Variants in LRP1B observed in about 807,000 individuals in gnomAD.
LRP1B encodes the protein low-density lipoprotein receptor-related protein 1B.
In LRP1B, 217 loss-of-function variants were observed where a neutral mutation model predicts 556.6. The ratio of observed to expected loss-of-function variants is 0.39; its 90% CI spans 0.35 to 0.44. The LOEUF (loss-of-function observed/expected upper bound fraction) is 0.44, where lower values mean the gene tolerates loss of function less well. Among genes scored for constraint, LRP1B ranks in the 20% least tolerant of loss-of-function variants. The probability of loss-of-function intolerance (pLI) is 1.00; values close to 1 mark genes in which losing one functional copy is unlikely to be tolerated. For missense variants in LRP1B, 5,053 were observed against 5,620.8 expected (o/e 0.90, Z 3.23); for synonymous variants, 2,047 against 1,865.8 (o/e 1.10, Z -2.50).
At chr2:141,332,743 G>C (rs1687703882) in intron 3 of LRP1B, among the ~76,000 whole-genome samples, 1 of 147,696 alleles carries the variant, frequency 6.8e-6, no homozygotes. Context: ...TATATATAAA[G>C]GAAACTGTTA....
chr2:140,342,837 TAAAAG>T (rs778838401), intron 77 of LRP1B, among the ~76,000 whole-genome samples: 5 of 151,606 alleles, frequency 3.3e-5, no homozygotes, highest in Admixed American at 1.3e-4. Flanking sequence ...GTAAAAGTAT[TAAAAG>T]AAAGAATAGA....
intron 18 of LRP1B, among the ~76,000 whole-genome samples, chr2:140,968,503 G>GTT (rs34542410): frequency 0.36 from 35,417 of 97,432 alleles, 4,639 homozygotes; most frequent in East Asian, 0.39. Flanking sequence ...ATTTTTTGCA[G>GTT]TTTTTTTTTT....
intron 87 of LRP1B, among the ~76,000 whole-genome samples, chr2:140,244,408 T>C (rs1681072853): frequency 6.6e-6 from 1 of 151,364 alleles, no homozygotes; most frequent in African/African-American, 2.4e-5. Context: ...TATTTTTGTC[T>C]TTCATAATTT....
intron 2 of LRP1B, among the ~76,000 whole-genome samples, chr2:141,638,429 T>C (rs1689181705): frequency 6.6e-6 from 1 of 150,644 alleles, no homozygotes; most frequent in South Asian, 2.1e-4. Context: ...GGTGTTTCTC[T>C]ATAGCAATGC....
intron 1 of LRP1B, among the ~76,000 whole-genome samples, chr2:141,985,251 G>A (rs1574561844): frequency 6.6e-6 from 1 of 152,112 alleles, no homozygotes; most frequent in East Asian, 1.9e-4. Context: ...AATATTTAGA[G>A]GAGTAGCAAA....
chr2:140,822,659 C>G (rs1691367469), intron 31 of LRP1B, among the ~76,000 whole-genome samples: 1 of 152,190 alleles, frequency 6.6e-6, no homozygotes, highest in Non-Finnish European at 1.5e-5. Context: ...TGTGTCCTAA[C>G]TGGGTCCACA....
At chr2:141,124,812 C>T (rs1701160775) in intron 7 of LRP1B, among the ~76,000 whole-genome samples, 2 of 151,980 alleles carry the variant, frequency 1.3e-5, no homozygotes, top group Admixed American at 6.6e-5. Context: ...GGAAAAGACT[C>T]AGTTCTTTTT....
intron 3 of LRP1B, among the ~76,000 whole-genome samples, chr2:141,260,093 CT>C (rs1684628952): frequency 6.6e-6 from 1 of 152,052 alleles, no homozygotes; most frequent in African/African-American, 2.4e-5. Context: ...CTCTTGATGT[CT>C]CCTGGAGAAG....
chr2:141,277,665 CT>C (rs374385237), intron 3 of LRP1B, among the ~76,000 whole-genome samples: 4,476 of 138,136 alleles, frequency 0.032, 64 homozygotes, highest in African/African-American at 0.046. Flanking sequence ...GTTTTTCATC[CT>C]TTTTTTTTTT....
intron 7 of LRP1B, among the ~76,000 whole-genome samples, chr2:141,177,651 A>C (rs1050510276): frequency 7.2e-5 from 11 of 152,160 alleles, no homozygotes; most frequent in Non-Finnish European, 1.5e-4. Context: ...TGAAGGGAAG[A>C]ATTGGCTGGT....
intron 2 of LRP1B, among the ~76,000 whole-genome samples, chr2:141,503,416 A>G (rs866205870): frequency 2.0e-5 from 3 of 151,840 alleles, no homozygotes; most frequent in Non-Finnish European, 4.4e-5. Context: ...CGTTGGTGAT[A>G]TAAGAATAAG....
chr2:141,165,488 T>G (rs1202066517), intron 7 of LRP1B, among the ~76,000 whole-genome samples: 1 of 151,996 alleles, frequency 6.6e-6, no homozygotes, highest in Non-Finnish European at 1.5e-5. Context: ...TAGCTAATAA[T>G]TTTACATCAT....
intron 2 of LRP1B, among the ~76,000 whole-genome samples, chr2:141,516,431 A>G (rs2381112): frequency 0.97 from 148,096 of 152,298 alleles, 72,138 homozygotes; most frequent in East Asian, 1. Flanking sequence ...AAGATTTTCG[A>G]CTTAGATTTA....
intron 7 of LRP1B, among the ~76,000 whole-genome samples, chr2:141,099,924 A>C (rs181031849): frequency 1.2e-4 from 18 of 152,300 alleles, no homozygotes; most frequent in Admixed American, 2.6e-4. Flanking sequence ...TAATTATCAC[A>C]TTCTGAACCC....
intron 45 of LRP1B, among the ~76,000 whole-genome samples, chr2:140,537,783 T>C (rs915605104): frequency 2.0e-5 from 3 of 152,146 alleles, no homozygotes; most frequent in Non-Finnish European, 4.4e-5. Flanking sequence ...AGTCTGAAAG[T>C]ACAAAAAGTT....
intron 41 of LRP1B, among the ~76,000 whole-genome samples, chr2:140,607,081 T>C (rs1682894589): frequency 6.6e-6 from 1 of 152,098 alleles, no homozygotes; most frequent in African/African-American, 2.4e-5. Flanking sequence ...GAATGCTTTA[T>C]ACACTCAACA....
chr2:140,601,385 A>T (rs2105197631), intron 42 of LRP1B, 65 bp downstream of exon 42: 2 of 1,225,046 alleles, frequency 1.6e-6, no homozygotes, highest in Middle Eastern at 2.1e-4. Flanking sequence ...CTTAAAATTA[A>T]CAGAACTCTG....
intron 2 of LRP1B, 150 bp downstream of exon 2, chr2:141,810,129 G>GAAAGA: frequency 5.2e-6 from 2 of 387,294 alleles, no homozygotes; most frequent in East Asian, 7.2e-5. Context: ...AAGAAAGAAA[G>GAAAGA]AAAGAAAGAA....
intron 35 of LRP1B, among the ~76,000 whole-genome samples, chr2:140,750,531 AAGT>A (rs1688540692): frequency 6.6e-6 from 1 of 152,204 alleles, no homozygotes; most frequent in African/African-American, 2.4e-5. Flanking sequence ...CACTTTGAGT[AAGT>A]AGATGACTTT....
Sources: allele counts gnomAD v4.1 joint callset (sites outside exome capture counted in the v4.1 genomes callset), GRCh38; gene constraint gnomAD v4.1.1; transcripts MANE v1.5; gene names NCBI Gene and HGNC (gene_info 2026-07-23, HGNC 2026-07-21).